PPY: variants seen among roughly 807,000 people sequenced by gnomAD.
PPY encodes pancreatic polypeptide prohormone.
PPY carries 6 observed loss-of-function variants against 9.3 expected under a neutral mutation model. That is an observed-to-expected ratio of 0.64 (90% confidence interval 0.35 to 1.27). PPY has a LOEUF of 1.27. Ranked by LOEUF, PPY falls within the 50% of genes most tolerant of loss-of-function variation. PPY has a pLI of 0.03. For synonymous variants in PPY, 58 were observed against 54.6 expected (o/e 1.06, Z -0.27); for missense variants, 109 against 119.1 (o/e 0.91, Z 0.40).
chr17:43,943,807 T>C (rs1409063640), upstream of PPY, among the ~76,000 whole-genome samples: 2 of 148,466 alleles, frequency 1.3e-5, no homozygotes, highest in Non-Finnish European at 3.0e-5. Flanking sequence ...TGGCTCTGCA[T>C]TGGCTGGCTC....
chr17:43,941,686 C>T (rs1294396322), intron 1 of PPY, 32 bp from the exon 2 acceptor site: 5 of 1,555,442 alleles, frequency 3.2e-6, no homozygotes, highest in Non-Finnish European at 4.4e-6. Context: ...GGTGGAGAGC[C>T]CGGGCTGCAG....
upstream of PPY, among the ~76,000 whole-genome samples, chr17:43,943,231 AC>A (rs999088783): frequency 2.6e-5 from 4 of 152,182 alleles, no homozygotes; most frequent in African/African-American, 9.6e-5. Context: ...CAGCTCAGTC[AC>A]CTCACTAAAT....
At chr17:43,943,130 T>C (rs752223275), upstream of PPY, among the ~76,000 whole-genome samples, 7 of 152,122 alleles carry the variant, frequency 4.6e-5, no homozygotes, top group Non-Finnish European at 7.4e-5. Context: ...GTTTCCAGTA[T>C]CCATTTCCCT....
rs780110510 is a variant in PPY at position 43,940,936 on chromosome 17, C to T, written c.280G>A (p.Asp94Asn). Residue 94 changes from aspartate (D) to asparagine (N), a missense_variant, in exon 4 of 4, where the codon GAC becomes AAC. Coordinates refer to ENST00000225992, the MANE Select transcript of PPY (RefSeq NM_002722.5). ...GGAGACAGAAGGTGGCATTATAAGT[C>T]CAGCGGGCTGAGCTCCCTGTGAGGA... ...AAVPRELSPL[D>N]L 4 of 1,607,988 alleles carry T rather than the reference C, an allele frequency of 2.5e-6. No homozygotes were observed. The highest frequency in any genetic ancestry group is 1.1e-5 in the South Asian group (1 of 89,372).
intron 2 of PPY, 100 bp downstream of exon 2, chr17:43,941,364 A>AGGGGCTGGGGCT (rs1247992714): frequency 4.5e-6 from 7 of 1,559,844 alleles, no homozygotes; most frequent in Non-Finnish European, 6.1e-6. Flanking sequence ...CAGGCCTGGA[A>AGGGGCTGGGGCT]GGGGCTGGGG....
At chr17:43,943,829 G>A (rs72836597), upstream of PPY, among the ~76,000 whole-genome samples, 1,614 of 152,268 alleles carry the variant, frequency 0.011, 6 homozygotes, top group Non-Finnish European at 0.014. Flanking sequence ...GTGAGCCTGG[G>A]AAAGTAATTT....
At chr17:43,942,701 G>A (rs758982183), upstream of PPY, among the ~76,000 whole-genome samples, 1 of 152,134 alleles carries the variant, frequency 6.6e-6, no homozygotes, top group Admixed American at 6.5e-5. The surrounding 1 kb of genome is among the most constrained non-coding windows in gnomAD (Gnocchi z 5.3). Context: ...GTCTCCTGTG[G>A]GCCCCCATCA....
chr17:43,941,238 G>T, intron 2 of PPY, 24 bp from the exon 3 acceptor site: 2 of 1,550,644 alleles, frequency 1.3e-6, no homozygotes, highest in Non-Finnish European at 1.7e-6. Context: ...GGCAGCAGGG[G>T]CAAGCACTGT....
chr17:43,941,781 A>G (rs1353492725), intron 1 of PPY, 127 bp from the exon 2 acceptor site: 2 of 1,054,048 alleles, frequency 1.9e-6, no homozygotes, highest in Non-Finnish European at 2.7e-6. Flanking sequence ...ACAAGGGGGC[A>G]GAGCAAAGGG....
upstream of PPY, among the ~76,000 whole-genome samples, chr17:43,944,071 T>C (rs555681853): frequency 1.3e-5 from 2 of 152,364 alleles, no homozygotes; most frequent in South Asian, 2.1e-4. Flanking sequence ...TTCTCTGGAC[T>C]GAGGTTTTCC....
intron 1 of PPY, among the ~76,000 whole-genome samples, chr17:43,941,932 CG>C: frequency 6.6e-6 from 1 of 152,196 alleles, no homozygotes; most frequent in South Asian, 2.1e-4. Context: ...CCTGGAGACA[CG>C]GGACTCATGA....
intron 2 of PPY, 29 bp downstream of exon 2, chr17:43,941,435 G>C (rs1296391520): frequency 3.1e-6 from 5 of 1,613,108 alleles, no homozygotes; most frequent in Non-Finnish European, 4.2e-6. Flanking sequence ...CCAGGGGCTG[G>C]GATCTCTCTC....
At chr17:43,942,937 C>G (rs1354059680), upstream of PPY, among the ~76,000 whole-genome samples, 1 of 152,180 alleles carries the variant, frequency 6.6e-6, no homozygotes, top group Non-Finnish European at 1.5e-5. This position sits in a 1 kb window ranked among gnomAD's most constrained non-coding sequence, Gnocchi z 5.3. Context: ...AGAATGGAAA[C>G]TCAGGCCATC....
At chr17:43,943,406 C>T (rs192928849), upstream of PPY, among the ~76,000 whole-genome samples, 404 of 152,226 alleles carry the variant, frequency 2.7e-3, 1 homozygote, top group Non-Finnish European at 4.0e-3. Flanking sequence ...TAATTTCCCA[C>T]TTTTTGGCTG....
upstream of PPY, among the ~76,000 whole-genome samples, chr17:43,944,055 G>A (rs1467406142): frequency 1.3e-5 from 2 of 152,330 alleles, no homozygotes; most frequent in South Asian, 4.1e-4. Flanking sequence ...CAGCAAGCCC[G>A]GGCCTTTCTC....
upstream of PPY, chr17:43,942,566 C>T (rs898668219): frequency 2.0e-5 from 3 of 152,414 alleles, no homozygotes; most frequent in Non-Finnish European, 4.4e-5. This position sits in a 1 kb window ranked among gnomAD's most constrained non-coding sequence, Gnocchi z 5.3. Context: ...GAAGCCCTCA[C>T]CCCTCCTCTC....
At position 43,941,558 on chromosome 17, in the gene PPY, C is replaced by G. The variant is rs2048578467; in HGVS notation, c.97G>C (p.Glu33Gln). The change falls in exon 2 of 4, where the codon GAG becomes CAG. Residue 33 changes from glutamate to glutamine, a missense_variant. By Grantham distance (29) the Glu-to-Gln change is conservative. Coordinates refer to ENST00000225992, the MANE Select transcript of PPY (RefSeq NM_002722.5). Reference sequence around the variant, plus strand: ...GCATTGTCCCCTGGGTACACTGGCTCCAGTGGGGCTCCCTGGGCACCCAGC... The same window carrying G: ...GCATTGTCCCCTGGGTACACTGGCTGCAGTGGGGCTCCCTGGGCACCCAGC... ...PLLGAQGAPL[E>Q]PVYPGDNATP... is the part of the protein sequence containing the mutation. The G allele has an allele frequency of 6.2e-7, 1 of 1,613,890 alleles. No individual in the cohort carries two copies. Among genetic ancestry groups the G allele is most frequent in the African/African-American group, 1.3e-5 (1 of 74,914 alleles).
Position 43,941,638 on chromosome 17 carries a change from A to G in PPY, c.17T>C (p.Leu6Pro). MAAARLCLSLLLLSTC... is the reference protein window; with the variant it reads MAAARPCLSLLLLSTC... ...GGACAGGAGCAGCAGGGAGAGGCAG[A>G]GGCGTGCGGCAGCCATCTGAGGAGC... is the stretch of plus-strand genomic sequence containing the variant. Residue 6 changes from leucine (L) to proline (P), a missense_variant, in exon 2 of 4, where the codon CTC becomes CCC. Physicochemically the swap from Leu to Pro is moderately conservative, Grantham distance 98 (BLOSUM62 -3). Coordinates refer to ENST00000225992, the MANE Select transcript of PPY (RefSeq NM_002722.5). 6.2e-7 allele frequency: 1 copy of G among 1,608,844 alleles called. No homozygotes were observed. The highest frequency in any genetic ancestry group is 1.7e-5 in the Admixed American group (1 of 59,160).
upstream of PPY, among the ~76,000 whole-genome samples, chr17:43,942,734 A>C (rs2048587165): frequency 6.6e-6 from 1 of 152,198 alleles, no homozygotes. The surrounding 1 kb of genome is among the most constrained non-coding windows in gnomAD (Gnocchi z 5.3). Context: ...CCCTTTGGGC[A>C]CCAGAGCAGG....
Sources: allele counts gnomAD v4.1 joint callset (sites outside exome capture counted in the v4.1 genomes callset), GRCh38; gene constraint gnomAD v4.1.1; non-coding constraint Gnocchi (gnomAD v3.1); transcripts MANE v1.5; gene names NCBI Gene and HGNC (gene_info 2026-07-23, HGNC 2026-07-21).